The following NAMPT variants were observed in gnomAD, a reference collection of about 807,000 sequenced individuals.
The protein encoded by NAMPT is NAmPRTase.
NAMPT carries 7 observed loss-of-function variants against 58.7 expected under a neutral mutation model. The observed-to-expected ratio is 0.12, with a 90% CI of 0.07 to 0.22. The LOEUF (loss-of-function observed/expected upper bound fraction) is 0.22. Ranked by LOEUF, NAMPT falls within the 10% of genes least tolerant of loss-of-function variation. The pLI is 1.00. For missense variants in NAMPT, 271 were observed against 567.9 expected (o/e 0.48, Z 5.31); for synonymous variants, 145 against 198.1 (o/e 0.73, Z 2.25).
chr7:106,283,925 A>G (rs565907828), intron 1 of NAMPT, among the ~76,000 whole-genome samples: 4 of 152,340 alleles, frequency 2.6e-5, no homozygotes, highest in South Asian at 4.1e-4. Flanking sequence ...CTGCTCAAGT[A>G]AAATTTACTT....
chr7:106,255,557 G>A (rs570098009), intron 8 of NAMPT, among the ~76,000 whole-genome samples: 18 of 152,090 alleles, frequency 1.2e-4, no homozygotes, highest in Admixed American at 9.2e-4. Context: ...CAAATCCCAA[G>A]CAACTTCATT....
upstream of NAMPT, chr7:106,285,111 G>A (rs1243385123): frequency 2.2e-6 from 3 of 1,336,422 alleles, no homozygotes; most frequent in African/African-American, 1.5e-5. Flanking sequence ...CAGTCTGGGA[G>A]CTCTGGCGGA....
intron 6 of NAMPT, among the ~76,000 whole-genome samples, chr7:106,265,448 T>G (rs1487257408): frequency 6.6e-6 from 1 of 151,972 alleles, no homozygotes; most frequent in East Asian, 1.9e-4. Flanking sequence ...CCCTTTTCAG[T>G]CTTCCCAGAT....
At chr7:106,255,920 T>C (rs1261612737) in intron 8 of NAMPT, among the ~76,000 whole-genome samples, 1 of 152,220 alleles carries the variant, frequency 6.6e-6, no homozygotes, top group Non-Finnish European at 1.5e-5. Context: ...ATTTTAGATA[T>C]GCTTCAGAGG....
upstream of NAMPT, chr7:106,285,022 A>G: frequency 7.1e-7 from 1 of 1,411,284 alleles, no homozygotes; most frequent in Non-Finnish European, 9.4e-7. Flanking sequence ...GGAAACGGAG[A>G]GAGGGGAGGG....
chr7:106,284,519 C>G (rs1356787960), intron 1 of NAMPT: 1 of 155,340 alleles, frequency 6.4e-6, no homozygotes, highest in African/African-American at 2.4e-5. Flanking sequence ...GCCCCGAGCC[C>G]CGAGCACCGG....
At chr7:106,285,494 G>A, upstream of NAMPT, 1 of 956,940 alleles carries the variant, frequency 1.0e-6, no homozygotes. Context: ...AGGGGGCGAG[G>A]AGCCTCCTAC....
chr7:106,261,828 A>G (rs1792308893), intron 7 of NAMPT, 121 bp from the exon 8 acceptor site: 1 of 1,025,758 alleles, frequency 9.7e-7, no homozygotes, highest in East Asian at 2.6e-5. Context: ...TACTTTAAAA[A>G]TTTTATAACA....
At position 106,257,464 on chromosome 7, in the gene NAMPT, T is replaced by TAA. The variant is rs58198836; in HGVS notation, c.1090-2962_1090-2961dup. 7.8e-3 allele frequency among the ~76,000 whole-genome samples: 986 copies of TAA among 125,658 alleles called. 14 individuals are homozygous for TAA. The highest frequency in any genetic ancestry group is 0.029 in the African/African-American group (933 of 32,686). The allele number at this position is 125,658 out of a possible 152,430, so 82.4% of individuals were successfully genotyped here. On this transcript the variant is annotated intron_variant, in intron 8 of 10. Transcript: ENST00000222553. ...TGAGACCCCCATCTCTACAAAACAT[T>TAA]AAAAAAAAAAAAAAAAAAGAGTCAG... is the stretch of plus-strand genomic sequence containing the variant.
chr7:106,256,187 C>G (rs1792196151), intron 8 of NAMPT, among the ~76,000 whole-genome samples: 1 of 152,202 alleles, frequency 6.6e-6, no homozygotes, highest in African/African-American at 2.4e-5. Context: ...CCCAAGAAGA[C>G]TGAATCCATA....
chr7:106,281,221 T>A (rs904313520), intron 1 of NAMPT, among the ~76,000 whole-genome samples: 9 of 151,968 alleles, frequency 5.9e-5, no homozygotes, highest in South Asian at 2.1e-4. Flanking sequence ...ACAGTTTTTT[T>A]AAAAAAGTAT....
intron 3 of NAMPT, among the ~76,000 whole-genome samples, chr7:106,273,960 G>GTTT (rs1466901699): frequency 1.3e-5 from 2 of 151,702 alleles, no homozygotes. Flanking sequence ...AGACTTAAAA[G>GTTT]TAACACTCAA....
intron 6 of NAMPT, among the ~76,000 whole-genome samples, chr7:106,268,126 G>C (rs1792463428): frequency 1.3e-5 from 2 of 152,024 alleles, no homozygotes; most frequent in Admixed American, 1.3e-4. Flanking sequence ...AAGGCAAAAA[G>C]TGGCTGGTAC....
intron 3 of NAMPT, among the ~76,000 whole-genome samples, chr7:106,273,993 CCATTCCCAACTGATCATTG>C (rs1263173320): frequency 6.6e-6 from 1 of 151,690 alleles, no homozygotes; most frequent in Non-Finnish European, 1.5e-5. Flanking sequence ...CCAACAGATT[CCATTCCCAACTGATCATTG>C]TAATAAAAGG....
At chr7:106,263,827 C>A (rs956913570) in intron 6 of NAMPT, among the ~76,000 whole-genome samples, 1 of 151,990 alleles carries the variant, frequency 6.6e-6, no homozygotes, top group Non-Finnish European at 1.5e-5. Flanking sequence ...CTTTAAGTAG[C>A]CTTACTCCTC....
chr7:106,265,415 T>C (rs73720629), intron 6 of NAMPT, among the ~76,000 whole-genome samples: 2 of 152,062 alleles, frequency 1.3e-5, no homozygotes, highest in African/African-American at 2.4e-5. Flanking sequence ...ATGTTTCACC[T>C]TTTTTCCCCT....
rs767798838 is a variant in NAMPT at position 106,252,997 on chromosome 7, C to A, written c.1365+20G>T. On this transcript the variant is annotated intron_variant, in intron 10 of 10. Transcript: ENST00000222553. ...CCAACCTACTATTGCTTAAAAAAACCAATCAGCATAGATACATACCTGACC... is the reference window on the plus strand; with the variant it reads ...CCAACCTACTATTGCTTAAAAAAACAAATCAGCATAGATACATACCTGACC... The A allele has an allele frequency of 1.9e-6, 3 of 1,601,062 alleles. No homozygotes were observed. The South Asian group carries it at 3.4e-5, about 18-fold the overall frequency.
chr7:106,261,432 C>T (rs914412238), intron 8 of NAMPT, 156 bp downstream of exon 8: 1 of 588,696 alleles, frequency 1.7e-6, no homozygotes, highest in Non-Finnish European at 2.8e-6. Flanking sequence ...TTTTAAACTA[C>T]TATTATTTCT....
At chr7:106,268,823 T>G (rs1471871622) in intron 5 of NAMPT, among the ~76,000 whole-genome samples, 2 of 152,216 alleles carry the variant, frequency 1.3e-5, no homozygotes, top group African/African-American at 4.8e-5. Context: ...AAGAGACCTA[T>G]TTAACAGTGT....
Sources: allele counts gnomAD v4.1 joint callset (sites outside exome capture counted in the v4.1 genomes callset), GRCh38; gene constraint gnomAD v4.1.1; transcripts MANE v1.5; gene names NCBI Gene and HGNC (gene_info 2026-07-23, HGNC 2026-07-21).